Variants in FBXO31 observed in about 807,000 individuals in gnomAD.
FBXO31 encodes the protein F-box protein 31.
A neutral mutation model predicts 54.4 loss-of-function variants in FBXO31; 24 were observed. The observed-to-expected ratio is 0.44, with a 90% CI of 0.32 to 0.62. FBXO31 has a LOEUF of 0.62. FBXO31 is among the 20% of genes least tolerant of loss of function. The pLI is 0.05. For synonymous variants in FBXO31, 388 were observed against 335.6 expected, an observed-to-expected ratio of 1.16 and a Z score of -1.71; for missense variants, 665 against 787.1, an observed-to-expected ratio of 0.84 and a Z score of 1.86.
intron 2 of FBXO31, among the ~76,000 whole-genome samples, chr16:87,354,480 A>AC (rs397855509): frequency 2.0e-5 from 3 of 151,418 alleles, no homozygotes; most frequent in Non-Finnish European, 4.4e-5. Context: ...AAAAAAAAAA[A>AC]CCCAAAAATG....
rs1907160927 is a variant in FBXO31, at chr16:87,383,195, T to C, written c.340+210A>G. Among the ~76,000 whole-genome samples the C allele has an allele frequency of 6.7e-6, 1 of 148,566 alleles. No homozygotes were observed. The highest frequency in any genetic ancestry group is 6.7e-5 in the Admixed American group (1 of 15,024). ...TGCCTCTCTTGGACCCCTCGGACCC[T>C]CCCTAACCGCCTCAAATACCTCCCT... is the stretch of plus-strand genomic sequence containing the variant. On this transcript the variant is annotated intron_variant, in intron 1 of 8. Coordinates refer to ENST00000311635, the MANE Select transcript of FBXO31 (RefSeq NM_024735.5). The surrounding 1 kb of genome is among the most constrained non-coding windows in gnomAD (Gnocchi z 4.9).
chr16:87,350,621 G>C (rs1042893472), intron 2 of FBXO31, among the ~76,000 whole-genome samples: 25 of 152,214 alleles, frequency 1.6e-4, no homozygotes, highest in African/African-American at 5.5e-4. Flanking sequence ...GATGGCTGCA[G>C]GGATGGACTG....
At chr16:87,380,757 C>T (rs946932505) in intron 1 of FBXO31, among the ~76,000 whole-genome samples, 2 of 152,194 alleles carry the variant, frequency 1.3e-5, no homozygotes, top group Non-Finnish European at 2.9e-5. Context: ...AGGACAGCTG[C>T]GCTGAGAACC....
chr16:87,385,825 A>G (rs1442990924), upstream of FBXO31, among the ~76,000 whole-genome samples: 4 of 152,238 alleles, frequency 2.6e-5, no homozygotes, highest in East Asian at 7.7e-4. Context: ...CCTGGCCAAC[A>G]TGGTGAAACC....
intron 1 of FBXO31, among the ~76,000 whole-genome samples, chr16:87,379,764 T>G (rs1382626261): frequency 6.6e-6 from 1 of 151,858 alleles, no homozygotes; most frequent in Non-Finnish European, 1.5e-5. Flanking sequence ...ATTTTTGAAT[T>G]TTTAGTAGAG....
rs993150980 is a variant in FBXO31 at position 87,346,173 on chromosome 16, C to T, written c.489+1001G>A. Among the ~76,000 whole-genome samples the T allele has an allele frequency of 1.3e-5, 2 of 152,150 alleles. No homozygotes were observed. The highest frequency in any genetic ancestry group is 2.9e-5 in the Non-Finnish European group (2 of 68,014). On this transcript the variant is annotated intron_variant, in intron 3 of 8. Coordinates refer to ENST00000311635, the MANE Select transcript of FBXO31 (RefSeq NM_024735.5). This position sits in a 1 kb window ranked among gnomAD's most constrained non-coding sequence, Gnocchi z 4.2. ...GAAGGAGAGAGACCCGGAATGAGAA[C>T]GGGACGCTTCCCCAAGCCTGAGACG...
chr16:87,367,363 A>T (rs115221436), intron 1 of FBXO31: 1 of 152,178 alleles, frequency 6.6e-6, no homozygotes, highest in African/African-American at 2.4e-5. Context: ...AATAATAACA[A>T]CTGGCCTACC....
At chr16:87,361,213 C>T (rs1906116795) in intron 1 of FBXO31, among the ~76,000 whole-genome samples, 2 of 152,262 alleles carry the variant, frequency 1.3e-5, no homozygotes, top group African/African-American at 4.8e-5. Flanking sequence ...CATCACCTCA[C>T]TGCATCCTAC....
At position 87,331,083 on chromosome 16, in the gene FBXO31, C is replaced by T; in HGVS notation, c.*205G>A. The T allele has an allele frequency of 3.5e-6, 2 of 571,976 alleles. No homozygotes were observed. The highest frequency in any genetic ancestry group is 1.9e-5 in the African/African-American group (1 of 53,520). 35.4% of individuals were successfully genotyped at this position (571,976 alleles called of 1,614,324 possible). On this transcript the variant is annotated 3_prime_UTR_variant, in exon 9 of 9. Coordinates refer to ENST00000311635, the MANE Select transcript of FBXO31 (RefSeq NM_024735.5). ...TCTGTTTTTGGTAAGACATGCTCAG[C>T]TTCTTCCATCATGGCACTGACAAAT...
intron 5 of FBXO31, among the ~76,000 whole-genome samples, chr16:87,337,503 G>A (rs529292453): frequency 3.7e-4 from 56 of 152,302 alleles, no homozygotes; most frequent in African/African-American, 1.2e-3. Flanking sequence ...AAGAGCAAAC[G>A]GGAGGACCAG....
chr16:87,333,379 G>A (rs1156285181), intron 8 of FBXO31, among the ~76,000 whole-genome samples: 1 of 152,198 alleles, frequency 6.6e-6, no homozygotes, highest in Non-Finnish European at 1.5e-5. Context: ...GGGCAGGAAA[G>A]CAGGACCCAC....
intron 1 of FBXO31, chr16:87,367,877 T>C (rs1291961997): frequency 6.6e-6 from 1 of 152,266 alleles, no homozygotes; most frequent in Non-Finnish European, 1.5e-5. Context: ...CAGTTTATCT[T>C]TGCTCAGATT....
intron 1 of FBXO31, among the ~76,000 whole-genome samples, chr16:87,382,850 G>A (rs567378936): frequency 6.6e-6 from 1 of 152,118 alleles, no homozygotes; most frequent in Admixed American, 6.5e-5. Flanking sequence ...TCACCAGGCT[G>A]GTCTCGAACT....
At chr16:87,374,491 T>G (rs1906738890) in intron 1 of FBXO31, among the ~76,000 whole-genome samples, 2 of 152,216 alleles carry the variant, frequency 1.3e-5, no homozygotes, top group African/African-American at 4.8e-5. Context: ...CGCGCAGCAG[T>G]TCCTACTGAA....
intron 2 of FBXO31, among the ~76,000 whole-genome samples, chr16:87,349,649 G>A (rs1373454138): frequency 6.6e-6 from 1 of 152,004 alleles, no homozygotes; most frequent in Non-Finnish European, 1.5e-5. Context: ...GGCGGAGGCT[G>A]CAGTGAGCCG....
At chr16:87,366,904 G>GC (rs1447690924) in intron 1 of FBXO31, among the ~76,000 whole-genome samples, 1 of 152,156 alleles carries the variant, frequency 6.6e-6, no homozygotes, top group Non-Finnish European at 1.5e-5. Context: ...CAAGACGGGC[G>GC]CAAGGGCTCA....
chr16:87,369,201 A>T (rs1906492532), intron 1 of FBXO31, among the ~76,000 whole-genome samples: 1 of 152,074 alleles, frequency 6.6e-6, no homozygotes, highest in Non-Finnish European at 1.5e-5. Flanking sequence ...ATAAACATAA[A>T]AGCTACCATT....
At chr16:87,376,733 A>G (rs1333978519) in intron 1 of FBXO31, among the ~76,000 whole-genome samples, 1 of 152,188 alleles carries the variant, frequency 6.6e-6, no homozygotes, top group African/African-American at 2.4e-5. Context: ...CTCTGCCAGG[A>G]CGCCAGGTGG....
intron 1 of FBXO31, among the ~76,000 whole-genome samples, chr16:87,371,225 TCAAA>T (rs886601445): frequency 3.9e-5 from 6 of 152,206 alleles, no homozygotes; most frequent in African/African-American, 7.2e-5. Context: ...TAGCTCCTGC[TCAAA>T]CAATCTCATC....
Sources: gnomAD v4.1 joint callset for allele counts (sites outside exome capture counted in the v4.1 genomes callset) on GRCh38, gnomAD v4.1.1 for gene constraint, Gnocchi (gnomAD v3.1) non-coding constraint, MANE v1.5 for transcripts, NCBI Gene and HGNC (gene_info 2026-07-23, HGNC 2026-07-21) for gene names.